The following WWOX variants were observed in gnomAD, a reference collection of about 807,000 sequenced individuals.
WWOX encodes the protein WW domain-containing oxidoreductase.
In WWOX, 69 loss-of-function variants were observed where a neutral mutation model predicts 46.2. The observed-to-expected ratio is 1.49, with a 90% CI of 1.23 to 1.82. The LOEUF (loss-of-function observed/expected upper bound fraction) is 1.82. Ranked by LOEUF, WWOX falls within the 40% of genes most tolerant of loss-of-function variation. WWOX has a pLI of 0.00. For synonymous variants in WWOX, 359 were observed against 202.6 expected, an observed-to-expected ratio of 1.77 and a Z score of -6.56; for missense variants, 919 against 542.6, an observed-to-expected ratio of 1.69 and a Z score of -6.89.
chr16:78,449,402 C>A (rs1449785615), intron 8 of WWOX, among the ~76,000 whole-genome samples: 1 of 152,086 alleles, frequency 6.6e-6, no homozygotes, highest in Non-Finnish European at 1.5e-5. Context: ...TGGTATGAAT[C>A]CTGAGAGGCA....
chr16:78,945,271 G>A (rs983551725), intron 8 of WWOX, among the ~76,000 whole-genome samples: 2 of 152,174 alleles, frequency 1.3e-5, no homozygotes, highest in African/African-American at 4.8e-5. Flanking sequence ...TCTTCTTTCA[G>A]TTTCCATGGA....
At position 78,614,042 on chromosome 16, in the gene WWOX, C is replaced by G. The variant is rs182120929; in HGVS notation, c.1056+181290C>G. 4.4e-3 allele frequency among the ~76,000 whole-genome samples: 676 copies of G among 152,332 alleles called. 6 individuals carry two copies. Among genetic ancestry groups the G allele is most frequent in the African/African-American group, 0.015 (639 of 41,574 alleles). On this transcript the variant is annotated intron_variant, in intron 8 of 8. Transcript: ENST00000566780. ...CCACAAAGCCTAAAATATTTACTAT[C>G]TGGCTCTTTGCAGAAAATGCGCTGA...
chr16:78,698,749 G>C (rs2048151664), intron 8 of WWOX, among the ~76,000 whole-genome samples: 1 of 152,176 alleles, frequency 6.6e-6, no homozygotes, highest in Admixed American at 6.5e-5. Flanking sequence ...ACTGAGGCAG[G>C]AGGATTGCTT....
At chr16:79,123,945 C>T (rs886446807) in intron 8 of WWOX, among the ~76,000 whole-genome samples, 6 of 152,020 alleles carry the variant, frequency 3.9e-5, no homozygotes, top group Admixed American at 1.3e-4. Flanking sequence ...AAATCATGGG[C>T]GAATTGGTAC....
chr16:79,130,861 T>A (rs1033608575), intron 8 of WWOX, among the ~76,000 whole-genome samples: 8 of 151,978 alleles, frequency 5.3e-5, no homozygotes, highest in African/African-American at 1.9e-4. Context: ...CTACTGCGGG[T>A]GTGTGAGCCA....
chr16:78,722,617 G>A (rs2048719923), intron 8 of WWOX, among the ~76,000 whole-genome samples: 1 of 151,748 alleles, frequency 6.6e-6, no homozygotes, highest in Non-Finnish European at 1.5e-5. Flanking sequence ...CTTATCCCCT[G>A]GTAGGTATAA....
chr16:78,398,502 C>G (rs994068406), intron 6 of WWOX, among the ~76,000 whole-genome samples: 2 of 152,190 alleles, frequency 1.3e-5, no homozygotes, highest in African/African-American at 4.8e-5. Flanking sequence ...TCTACAGAGC[C>G]TCCCTTCTAC....
chr16:78,977,351 A>T (rs1284898060), intron 8 of WWOX, among the ~76,000 whole-genome samples: 1 of 152,190 alleles, frequency 6.6e-6, no homozygotes, highest in Non-Finnish European at 1.5e-5. Flanking sequence ...GAGATCCTCC[A>T]GATCCTGTTC....
At chr16:78,934,103 A>C (rs889288884) in intron 8 of WWOX, among the ~76,000 whole-genome samples, 3 of 151,950 alleles carry the variant, frequency 2.0e-5, no homozygotes, top group African/African-American at 4.8e-5. Context: ...TCGGAGGCCT[A>C]GGTGGGCAGA....
At chr16:78,622,469 G>C (rs2046212531) in intron 8 of WWOX, among the ~76,000 whole-genome samples, 1 of 151,962 alleles carries the variant, frequency 6.6e-6, no homozygotes, top group Non-Finnish European at 1.5e-5. Context: ...TTGAACCCAG[G>C]AGACGGGGGT....
chr16:79,131,908 A>T (rs980717774), intron 8 of WWOX, among the ~76,000 whole-genome samples: 1 of 152,116 alleles, frequency 6.6e-6, no homozygotes, highest in African/African-American at 2.4e-5. Flanking sequence ...AGGCAAAGAG[A>T]GTGAGCTTGT....
chr16:78,990,340 T>C (rs1198632537), intron 8 of WWOX, among the ~76,000 whole-genome samples: 1 of 152,182 alleles, frequency 6.6e-6, no homozygotes, highest in Non-Finnish European at 1.5e-5. Flanking sequence ...AAGATCCTCC[T>C]TGTGCCTTGA....
chr16:78,909,533 G>C (rs1347138401), intron 8 of WWOX, among the ~76,000 whole-genome samples: 1 of 152,136 alleles, frequency 6.6e-6, no homozygotes, highest in Non-Finnish European at 1.5e-5. Flanking sequence ...GTGCCTTCTG[G>C]ATGGTTTTAA....
intron 8 of WWOX, among the ~76,000 whole-genome samples, chr16:78,690,920 C>T (rs986045361): frequency 6.6e-6 from 1 of 152,144 alleles, no homozygotes; most frequent in African/African-American, 2.4e-5. Flanking sequence ...TGGCCGAAGC[C>T]TTTGTGTTGA....
At chr16:78,460,105 A>G (rs1197172935) in intron 8 of WWOX, among the ~76,000 whole-genome samples, 1 of 150,258 alleles carries the variant, frequency 6.7e-6, no homozygotes, top group Admixed American at 6.6e-5. Context: ...CTGTACCTGG[A>G]CTCCACTATG....
At chr16:79,199,689 ACTG>A (rs1440212903) in intron 8 of WWOX, among the ~76,000 whole-genome samples, 2 of 152,148 alleles carry the variant, frequency 1.3e-5, no homozygotes, top group East Asian at 3.9e-4. Flanking sequence ...CATGAAGAGG[ACTG>A]CCTTGTAAAG....
At chr16:78,442,610 T>C (rs2083469255) in intron 8 of WWOX, among the ~76,000 whole-genome samples, 1 of 152,162 alleles carries the variant, frequency 6.6e-6, no homozygotes. Context: ...CCATTGTTTA[T>C]AGATACCCAT....
At chr16:78,595,707 TG>T (rs1002788615) in intron 8 of WWOX, among the ~76,000 whole-genome samples, 2 of 152,184 alleles carry the variant, frequency 1.3e-5, no homozygotes, top group African/African-American at 4.8e-5. Flanking sequence ...GGCAGAAACC[TG>T]CACTCAGTAC....
intron 8 of WWOX, among the ~76,000 whole-genome samples, chr16:78,667,767 A>G (rs1036334368): frequency 3.4e-4 from 51 of 151,638 alleles, no homozygotes; most frequent in Admixed American, 2.4e-3. Flanking sequence ...AACTCATTTG[A>G]GAGCTCTCTC....
Sources: allele counts gnomAD v4.1 joint callset (sites outside exome capture counted in the v4.1 genomes callset), GRCh38; gene constraint gnomAD v4.1.1; transcripts MANE v1.5; gene names NCBI Gene and HGNC (gene_info 2026-07-23, HGNC 2026-07-21).